TBPL2: variants seen among roughly 807,000 people sequenced by gnomAD.
TBPL2 encodes TATA-box binding protein like 2.
In TBPL2, 40 loss-of-function variants were observed where a neutral mutation model predicts 38.2. The observed-to-expected ratio is 1.05, with a 90% confidence interval of 0.81 to 1.36. TBPL2 has a LOEUF of 1.36. Among genes scored for constraint, TBPL2 ranks in the 40% most tolerant of loss-of-function variants. The pLI is 0.00. For synonymous variants in TBPL2, 169 were observed against 171.7 expected (o/e 0.98, Z 0.12); for missense variants, 461 against 456.7 (o/e 1.01, Z -0.09).
At chr14:55,432,098 A>T (rs935315370) in intron 4 of TBPL2, among the ~76,000 whole-genome samples, 1 of 152,134 alleles carries the variant, frequency 6.6e-6, no homozygotes, top group Non-Finnish European at 1.5e-5. Flanking sequence ...ACCCTTCAAA[A>T]TTTGTGTTTT....
rs543869279 is a variant in TBPL2, at chr14:55,440,298, T to C, written c.150+98A>G. The C allele has an allele frequency of 1.8e-5, 26 of 1,437,802 alleles. No homozygotes were observed. In the East Asian group the frequency reaches 4.4e-4, roughly 25 times the overall value. The allele number at this position is 1,437,802 out of a possible 1,614,324, so 89.1% of individuals were successfully genotyped here. On this transcript the variant is annotated intron_variant, in intron 1 of 6. Transcript: ENST00000247219. The stretch of plus-strand genomic sequence containing the variant: ...CTTGGGAAACCAAGCCCGCCTCTTA[T>C]GGTCGCTATGAGTTTTAAGAGGAAC...
chr14:55,436,964 T>C (rs1886025137), exon 2 of TBPL2: 2 of 1,614,018 alleles, frequency 1.2e-6, no homozygotes, highest in African/African-American at 2.7e-5. Flanking sequence ...AGTATGTACA[T>C]ATCATAAGGT....
exon 2 of TBPL2, chr14:55,436,957 A>G (rs1271494665): frequency 1.5e-5 from 24 of 1,614,220 alleles, no homozygotes; most frequent in Non-Finnish European, 2.0e-5. Context: ...TGCATTCAGT[A>G]TGTACATATC....
At chr14:55,414,331 T>G (rs1389976468) in exon 7 of TBPL2, 1 of 1,388,668 alleles carries the variant, frequency 7.2e-7, no homozygotes, top group South Asian at 1.3e-5. Context: ...TGTGCTGGGC[T>G]TATGGACATA....
intron 6 of TBPL2, among the ~76,000 whole-genome samples, chr14:55,415,031 A>G (rs1002383995): frequency 5.3e-5 from 8 of 152,228 alleles, no homozygotes; most frequent in African/African-American, 9.6e-5. Context: ...TAGGAATTAC[A>G]GGGATAAAAA....
chr14:55,420,770 A>T (rs1354658337), intron 6 of TBPL2, among the ~76,000 whole-genome samples: 2 of 152,076 alleles, frequency 1.3e-5, no homozygotes, highest in Non-Finnish European at 2.9e-5. Flanking sequence ...TTTTAAAAGA[A>T]ATTTGGGGGT....
intron 6 of TBPL2, among the ~76,000 whole-genome samples, chr14:55,418,458 AACCTT>A (rs993397029): frequency 6.6e-6 from 1 of 152,200 alleles, no homozygotes; most frequent in African/African-American, 2.4e-5. Flanking sequence ...TATAAGTCAA[AACCTT>A]ACAAGTTTGT....
intron 1 of TBPL2, among the ~76,000 whole-genome samples, chr14:55,439,617 C>CCCCCCCCGCCCCG (rs762700151): frequency 1.4e-5 from 1 of 72,628 alleles, no homozygotes; most frequent in Non-Finnish European, 3.0e-5. Flanking sequence ...AAAGCAAACC[C>CCCCCCCCGCCCCG]CCCCCCGTCT....
At position 55,428,961 on chromosome 14, in the gene TBPL2, G is replaced by A. The variant is rs746597775; in HGVS notation, c.802C>T (p.Arg268Ter). 3 of 1,614,042 alleles carry A rather than the reference G, an allele frequency of 1.9e-6. No individual in the cohort carries two copies. The highest frequency in any genetic ancestry group is 2.2e-5 in the East Asian group (1 of 44,872). ...CGAGCATATTTTCTTGCTGCAAGTC[G>A]AGACTGCTCTTCACTGGGGAGGGGC... The change falls in exon 5 of 7, where the codon CGA becomes TGA. Residue 268 changes from arginine (R) to a stop codon, truncating the protein, a stop_gained. Coordinates refer to ENST00000247219, the Ensembl canonical transcript of TBPL2. LOFTEE classifies it high-confidence loss of function.
intron 6 of TBPL2, among the ~76,000 whole-genome samples, chr14:55,415,048 TCAAA>T (rs1338168045): frequency 2.6e-5 from 4 of 152,202 alleles, no homozygotes; most frequent in African/African-American, 4.8e-5. Context: ...AAAACATGAA[TCAAA>T]CAGTCTCCAC....
chr14:55,424,594 T>C (rs961577637), intron 5 of TBPL2, among the ~76,000 whole-genome samples: 2 of 152,350 alleles, frequency 1.3e-5, no homozygotes, highest in East Asian at 3.9e-4. Context: ...TAAGAATACA[T>C]AATCATGTTT....
rs369153878 is a variant in TBPL2, at chr14:55,428,678, T to C, written c.956+129A>G. On this transcript the variant is annotated intron_variant, in intron 5 of 6. Coordinates refer to ENST00000247219, the Ensembl canonical transcript of TBPL2. ...AACTCAGGCATAGCATCTTAATCTT[T>C]TCACTATTGTGTCCCCCGCCTTTTT... is the stretch of plus-strand genomic sequence containing the variant. 47 of 1,003,388 alleles carry C rather than the reference T, an allele frequency of 4.7e-5. No individual in the cohort carries two copies. The South Asian group carries it at 7.3e-4, about 16-fold the overall frequency. The allele number at this position is 1,003,388 out of a possible 1,614,324, so 62.2% of individuals were successfully genotyped here.
chr14:55,425,206 G>T (rs1186443322), intron 5 of TBPL2, among the ~76,000 whole-genome samples: 1 of 152,078 alleles, frequency 6.6e-6, no homozygotes, highest in African/African-American at 2.4e-5. Context: ...ATTGTGGGTG[G>T]AACTGTCTTC....
At chr14:55,436,594 A>G (rs755462773) in exon 2 of TBPL2, 1 of 1,614,202 alleles carries the variant, frequency 6.2e-7, no homozygotes, top group South Asian at 1.1e-5. Flanking sequence ...ACATTCTGAA[A>G]TAGGGGTCAT....
chr14:55,436,531 T>C, intron 2 of TBPL2, 30 bp downstream of exon 2: 1 of 1,578,186 alleles, frequency 6.3e-7, no homozygotes, highest in Non-Finnish European at 8.7e-7. Flanking sequence ...GTACCCAATG[T>C]GCTCAATTAA....
intron 6 of TBPL2, among the ~76,000 whole-genome samples, chr14:55,420,236 A>T (rs1358643443): frequency 6.6e-6 from 1 of 152,158 alleles, no homozygotes; most frequent in Non-Finnish European, 1.5e-5. Context: ...ATGCCCGGCT[A>T]ATTTTTGTAA....
At chr14:55,419,772 G>A (rs1301093286) in intron 6 of TBPL2, among the ~76,000 whole-genome samples, 1 of 152,216 alleles carries the variant, frequency 6.6e-6, no homozygotes, top group East Asian at 1.9e-4. Flanking sequence ...CCACACATCT[G>A]TACTATGGGC....
chr14:55,425,514 T>G (rs978479718), intron 5 of TBPL2, among the ~76,000 whole-genome samples: 8 of 152,320 alleles, frequency 5.3e-5, no homozygotes, highest in African/African-American at 1.9e-4. Context: ...GTGCTCCCAA[T>G]TAGGAATATA....
At chr14:55,427,319 A>G (rs980936343) in intron 5 of TBPL2, among the ~76,000 whole-genome samples, 8 of 152,210 alleles carry the variant, frequency 5.3e-5, no homozygotes, top group Non-Finnish European at 1.2e-4. Context: ...CATAATCAAG[A>G]GAAAAATAAA....
Sources: gnomAD v4.1 joint callset for allele counts (sites outside exome capture counted in the v4.1 genomes callset) on GRCh38, gnomAD v4.1.1 for gene constraint, MANE v1.5 for transcripts, NCBI Gene and HGNC (gene_info 2026-07-23, HGNC 2026-07-21) for gene names.